NOVA1: variants seen among roughly 807,000 people sequenced by gnomAD.
NOVA1 encodes the protein RNA-binding protein Nova-1.
NOVA1 carries 7 observed loss-of-function variants against 38.0 expected under a neutral mutation model. That is an observed-to-expected ratio of 0.18 (90% CI 0.10 to 0.35). The LOEUF is 0.35. Among genes scored for constraint, NOVA1 ranks in the 10% least tolerant of loss-of-function variants. The pLI is 1.00. For synonymous variants in NOVA1, 270 were observed against 232.5 expected (o/e 1.16, Z -1.47); for missense variants, 460 against 616.0 (o/e 0.75, Z 2.68).
intron 2 of NOVA1, among the ~76,000 whole-genome samples, chr14:26,562,617 ACT>A (rs371497675): frequency 1.2e-3 from 184 of 152,214 alleles, no homozygotes; most frequent in East Asian, 8.5e-3. Context: ...CTAGGAACAC[ACT>A]CTGCACAGAG....
At chr14:26,495,307 G>C (rs1011692692) in intron 2 of NOVA1, among the ~76,000 whole-genome samples, 1 of 152,060 alleles carries the variant, frequency 6.6e-6, no homozygotes, top group African/African-American at 2.4e-5. Context: ...ATTCTTGTTT[G>C]TTGTAATTTG....
chr14:26,476,709 TTTTC>T (rs1885013092), intron 3 of NOVA1, among the ~76,000 whole-genome samples: 1 of 151,886 alleles, frequency 6.6e-6, no homozygotes, highest in Non-Finnish European at 1.5e-5. Flanking sequence ...CTCTGAATTT[TTTTC>T]TTTTCTTTTT....
rs191362743 is a variant in NOVA1, at chr14:26,446,366, C to T, written c.*1593G>A. On this transcript the variant is annotated 3_prime_UTR_variant, in exon 5 of 5. Coordinates refer to ENST00000539517, the MANE Select transcript of NOVA1 (RefSeq NM_002515.3). ...GATCACAGTTCAGAGAGAGGCTGGA[C>T]GAAATTCAGACATGGAGCATCACAC... is the stretch of plus-strand genomic sequence containing the variant. 2 of 152,572 alleles carry T rather than the reference C, an allele frequency of 1.3e-5. No homozygotes were observed. Among genetic ancestry groups the T allele is most frequent in the Non-Finnish European group, 2.9e-5 (2 of 68,074 alleles). The allele number at this position is 152,572 out of a possible 1,614,324, so 9.5% of individuals were successfully genotyped here. A position where few individuals can be genotyped will look rare whatever the true frequency, so the allele number is the denominator to read the frequency against.
chr14:26,462,409 C>T (rs1290815494), intron 4 of NOVA1, among the ~76,000 whole-genome samples: 1 of 151,592 alleles, frequency 6.6e-6, no homozygotes, highest in Non-Finnish European at 1.5e-5. Flanking sequence ...TTATTATAAA[C>T]TAATGTGCTC....
At chr14:26,464,326 C>T (rs1883942730) in intron 4 of NOVA1, among the ~76,000 whole-genome samples, 1 of 152,218 alleles carries the variant, frequency 6.6e-6, no homozygotes, top group Non-Finnish European at 1.5e-5. Flanking sequence ...ACAAATACCA[C>T]TGTTACAGTT....
At chr14:26,509,156 T>G (rs1334585044) in intron 2 of NOVA1, among the ~76,000 whole-genome samples, 2 of 152,114 alleles carry the variant, frequency 1.3e-5, no homozygotes, top group Non-Finnish European at 2.9e-5. Context: ...GATGAGTACA[T>G]TTTTAGATAT....
At chr14:26,533,614 G>A (rs932762861) in intron 2 of NOVA1, among the ~76,000 whole-genome samples, 3 of 152,038 alleles carry the variant, frequency 2.0e-5, no homozygotes, top group African/African-American at 7.2e-5. Context: ...TTATGACTTT[G>A]TACATGCTGC....
chr14:26,552,835 T>C (rs1392152926), intron 2 of NOVA1, among the ~76,000 whole-genome samples: 1 of 146,734 alleles, frequency 6.8e-6, no homozygotes, highest in Non-Finnish European at 1.5e-5. Flanking sequence ...ATTACTTAAA[T>C]GAAGAATGAA....
At chr14:26,575,034 C>A (rs1195587869) in intron 2 of NOVA1, among the ~76,000 whole-genome samples, 1 of 152,232 alleles carries the variant, frequency 6.6e-6, no homozygotes, top group African/African-American at 2.4e-5. Context: ...GTAAATAATT[C>A]TCTTAAAACT....
chr14:26,501,669 AT>A (rs1330930870), intron 2 of NOVA1, among the ~76,000 whole-genome samples: 1 of 151,974 alleles, frequency 6.6e-6, no homozygotes, highest in African/African-American at 2.4e-5. Context: ...GAATCAAGGT[AT>A]TGTCCTTTTT....
At chr14:26,596,979 T>C (rs1050317539) in intron 1 of NOVA1, 7 of 1,227,714 alleles carry the variant, frequency 5.7e-6, no homozygotes, top group South Asian at 4.2e-5. Flanking sequence ...TCCTCCTGAA[T>C]GGACCTTCTT....
chr14:26,482,697 T>A (rs1248308760), intron 2 of NOVA1, among the ~76,000 whole-genome samples: 3 of 152,278 alleles, frequency 2.0e-5, no homozygotes, highest in Admixed American at 2.0e-4. Flanking sequence ...TAAGATACCA[T>A]TAATTAATTA....
rs191043404 is a variant in NOVA1, at chr14:26,550,810, C to T, written c.280+44600G>A. Among the ~76,000 whole-genome samples, 888 of 152,144 alleles carry T rather than the reference C, an allele frequency of 5.8e-3. 4 individuals carry two copies. The highest frequency in any genetic ancestry group is 7.1e-3 in the Non-Finnish European group (480 of 67,958). On this transcript the variant is annotated intron_variant, in intron 2 of 4. Coordinates refer to ENST00000539517, the MANE Select transcript of NOVA1 (RefSeq NM_002515.3). ...GACCATTAGCATACCATAAGTCAAACTTTTCTGAATCTCACTTCCTAATTA... is the reference window on the plus strand; with the variant it reads ...GACCATTAGCATACCATAAGTCAAATTTTTCTGAATCTCACTTCCTAATTA...
In NOVA1 at chr14:26,593,197, A is replaced by G. The variant is rs180809434; in HGVS notation, c.280+2213T>C. The stretch of plus-strand genomic sequence containing the variant: ...CTTGATGATATGATCACAGTTTATA[A>G]TTTAGCTCATCTGAGATGTACAAGG... On this transcript the variant is annotated intron_variant, in intron 2 of 4. Coordinates refer to ENST00000539517, the MANE Select transcript of NOVA1 (RefSeq NM_002515.3). 1.8e-3 allele frequency: 271 copies of G among 151,926 alleles called. 1 individual carries two copies. The highest frequency in any genetic ancestry group is 6.2e-3 in the African/African-American group (259 of 41,532). The allele number at this position is 151,926 out of a possible 1,614,324, so 9.4% of individuals were successfully genotyped here.
intron 2 of NOVA1, among the ~76,000 whole-genome samples, chr14:26,580,023 T>C (rs891695864): frequency 3.3e-5 from 5 of 151,886 alleles, no homozygotes; most frequent in African/African-American, 7.3e-5. Flanking sequence ...GCCTCCCAAG[T>C]AGCTGAGATG....
intron 2 of NOVA1, among the ~76,000 whole-genome samples, chr14:26,571,578 C>A (rs925169228): frequency 6.6e-6 from 1 of 152,164 alleles, no homozygotes; most frequent in Admixed American, 6.6e-5. Context: ...CCAGCAACCC[C>A]AGGAAACTGT....
At chr14:26,538,506 T>C (rs1444870712) in intron 2 of NOVA1, among the ~76,000 whole-genome samples, 1 of 152,196 alleles carries the variant, frequency 6.6e-6, no homozygotes, top group Non-Finnish European at 1.5e-5. Context: ...GAATATTTAA[T>C]GTTTAATTAT....
At chr14:26,494,839 C>T (rs1003787459) in intron 2 of NOVA1, among the ~76,000 whole-genome samples, 1 of 152,092 alleles carries the variant, frequency 6.6e-6, no homozygotes, top group Admixed American at 6.6e-5. Flanking sequence ...ACTATTTGCT[C>T]CACTACAATC....
At chr14:26,580,515 T>C (rs534247385) in intron 2 of NOVA1, among the ~76,000 whole-genome samples, 3 of 152,196 alleles carry the variant, frequency 2.0e-5, no homozygotes, top group African/African-American at 2.4e-5. Flanking sequence ...AGGGGTATTA[T>C]AGAACACTTA....
Sources: allele counts gnomAD v4.1 joint callset (sites outside exome capture counted in the v4.1 genomes callset), GRCh38; gene constraint gnomAD v4.1.1; transcripts MANE v1.5; gene names NCBI Gene and HGNC (gene_info 2026-07-23, HGNC 2026-07-21).